ASCC3: variants seen among roughly 807,000 people sequenced by gnomAD.
The protein encoded by ASCC3 is activating signal cointegrator 1 complex subunit 3, also known as ASC-1 complex subunit P200.
In ASCC3, 158 loss-of-function variants were observed where a neutral mutation model predicts 256.3. That is an observed-to-expected ratio of 0.62 (90% CI 0.54 to 0.70). The LOEUF is 0.70. ASCC3 is among the 30% of genes least tolerant of loss of function. The pLI is 0.00. For missense variants in ASCC3, 2,259 were observed against 2,626.0 expected (o/e 0.86, Z 3.05); for synonymous variants, 948 against 883.4 (o/e 1.07, Z -1.30).
chr6:100,739,570 CT>C (rs1562263111), intron 10 of ASCC3, among the ~76,000 whole-genome samples: 1 of 152,068 alleles, frequency 6.6e-6, no homozygotes, highest in Non-Finnish European at 1.5e-5. Flanking sequence ...TGGTCCTGGA[CT>C]TTTTTTGGTT....
At chr6:100,613,710 G>A (rs947904381) in intron 30 of ASCC3, among the ~76,000 whole-genome samples, 1 of 151,974 alleles carries the variant, frequency 6.6e-6, no homozygotes, top group Non-Finnish European at 1.5e-5. Context: ...AAAATTGCTG[G>A]GTGGAACGGT....
At chr6:100,686,489 C>G (rs1777574859) in intron 13 of ASCC3, among the ~76,000 whole-genome samples, 1 of 152,124 alleles carries the variant, frequency 6.6e-6, no homozygotes, top group South Asian at 2.1e-4. Flanking sequence ...ATTATACACA[C>G]TGTTTTTCCT....
At chr6:100,610,579 T>C (rs1296080989) in intron 30 of ASCC3, among the ~76,000 whole-genome samples, 1 of 152,146 alleles carries the variant, frequency 6.6e-6, no homozygotes, top group Non-Finnish European at 1.5e-5. Context: ...GACATACACA[T>C]AAGAAATGTT....
intron 37 of ASCC3, among the ~76,000 whole-genome samples, chr6:100,521,725 GAGTGGGCAAGCCCA>G (rs1247080904): frequency 1.3e-5 from 2 of 152,216 alleles, no homozygotes; most frequent in Non-Finnish European, 2.9e-5. Context: ...TTTTCAGTTT[GAGTGGGCAAGCCCA>G]AGTGACTGTT....
chr6:100,856,855 G>T (rs1772970032), intron 3 of ASCC3: 1 of 152,098 alleles, frequency 6.6e-6, no homozygotes. Context: ...AATGAACTGG[G>T]TTGTTTCTAC....
At chr6:100,685,534 T>G (rs566625237) in intron 13 of ASCC3, among the ~76,000 whole-genome samples, 1 of 152,274 alleles carries the variant, frequency 6.6e-6, no homozygotes, top group African/African-American at 2.4e-5. Context: ...GCCCTCCAGG[T>G]TATTCTGATG....
chr6:100,861,008 G>C (rs1773199041), intron 3 of ASCC3, among the ~76,000 whole-genome samples: 1 of 152,104 alleles, frequency 6.6e-6, no homozygotes, highest in East Asian at 1.9e-4. Flanking sequence ...GAAGGTGGAT[G>C]AGAAAGGAAG....
At chr6:100,527,178 T>C (rs1187498975) in intron 37 of ASCC3, among the ~76,000 whole-genome samples, 1 of 152,194 alleles carries the variant, frequency 6.6e-6, no homozygotes, top group Non-Finnish European at 1.5e-5. Flanking sequence ...CAATGTATGC[T>C]TATAGTATTA....
At chr6:100,510,233 A>G (rs1773696632) in intron 40 of ASCC3, 126 bp from the exon 41 acceptor site, 3 of 1,025,180 alleles carry the variant, frequency 2.9e-6, no homozygotes, top group Admixed American at 4.2e-5. Flanking sequence ...TATCTATCTG[A>G]GATGTTTTAA....
At chr6:100,759,449 C>T (rs757987994) in intron 10 of ASCC3, among the ~76,000 whole-genome samples, 77 of 152,132 alleles carry the variant, frequency 5.1e-4, no homozygotes, top group South Asian at 1.0e-3. Context: ...TTTGAGTTTT[C>T]TGCATATGGC....
At position 100,603,878 on chromosome 6, in the gene ASCC3, C is replaced by T. The variant is rs76533734; in HGVS notation, c.5177+1690G>A. Among the ~76,000 whole-genome samples, 12 of 152,084 alleles carry T rather than the reference C, an allele frequency of 7.9e-5. No individual in the cohort carries two copies. The East Asian group carries it at 2.3e-3, about 29-fold the overall frequency. On this transcript the variant is annotated intron_variant, in intron 33 of 41. Coordinates refer to ENST00000369162, the MANE Select transcript of ASCC3 (RefSeq NM_006828.4). ...TTTCTACATCTATATTAATGAGAGA[C>T]GTTTGTTATATTCCCTTCTCGTAAA... is the stretch of plus-strand genomic sequence containing the variant.
In ASCC3 at chr6:100,638,664, C is replaced by T. The variant is rs1030851660; in HGVS notation, c.4059G>A (p.Ser1353=). 2 of 1,613,830 alleles carry T rather than the reference C, an allele frequency of 1.2e-6. No individual in the cohort carries two copies. Among genetic ancestry groups the T allele is most frequent in the Non-Finnish European group, 1.7e-6 (2 of 1,179,928 alleles). ...CNVLLGAPTG[S]GKTVAAELAI... Reference sequence around the variant, plus strand: ...CTAATTCAGCTGCAACAGTCTTTCCCGATCCAGTAGGTGCTCCAAGTAGGA... The same window carrying T: ...CTAATTCAGCTGCAACAGTCTTTCCTGATCCAGTAGGTGCTCCAAGTAGGA... Residue 1353 remains serine (S), a synonymous_variant, in exon 25 of 42, where the codon TCG becomes TCA. Coordinates refer to ENST00000369162, the MANE Select transcript of ASCC3 (RefSeq NM_006828.4).
At chr6:100,850,568 C>T (rs933763363) in intron 3 of ASCC3, among the ~76,000 whole-genome samples, 9 of 152,194 alleles carry the variant, frequency 5.9e-5, no homozygotes, top group Non-Finnish European at 1.5e-5. Context: ...TATACTACAT[C>T]AAACTGCCTG....
In ASCC3 at chr6:100,509,004, C is replaced by T. The variant is rs1773626883; in HGVS notation, c.*382G>A. On this transcript the variant is annotated 3_prime_UTR_variant, in exon 42 of 42. Transcript: ENST00000369162. The stretch of plus-strand genomic sequence containing the variant: ...TAGAAATCTGTGACAAGTCCTAACA[C>T]TTGTCACATCTCAATGTGGTTTTCC... The T allele has an allele frequency of 1.1e-4, 30 of 275,682 alleles. No individual in the cohort carries two copies. In the South Asian group the frequency reaches 1.2e-3, roughly 11 times the overall value. 17.1% of individuals were successfully genotyped at this position (275,682 alleles called of 1,614,324 possible).
intron 3 of ASCC3, among the ~76,000 whole-genome samples, chr6:100,862,330 G>A (rs750187348): frequency 7.9e-5 from 12 of 152,102 alleles, no homozygotes; most frequent in Non-Finnish European, 1.6e-4. Flanking sequence ...GTACAAACAT[G>A]AGACATTTTA....
At chr6:100,834,055 G>A (rs559662700) in intron 4 of ASCC3, among the ~76,000 whole-genome samples, 1 of 152,160 alleles carries the variant, frequency 6.6e-6, no homozygotes, top group South Asian at 2.1e-4. Context: ...GACAGTGTGA[G>A]TGAGTGTGGT....
chr6:100,854,308 A>G (rs1772833589), intron 3 of ASCC3, among the ~76,000 whole-genome samples: 1 of 152,154 alleles, frequency 6.6e-6, no homozygotes. Flanking sequence ...AAAATTGCCT[A>G]AGTAATGTAA....
In ASCC3 at chr6:100,848,618, C is replaced by G. The variant is rs1233345174; in HGVS notation, c.331G>C (p.Glu111Gln). Residue 111 changes from glutamate to glutamine, a missense_variant, in exon 4 of 42, where the codon GAA becomes CAA. Physicochemically the swap from Glu to Gln is conservative, Grantham distance 29. Transcript: ENST00000369162. ...AACATCTGTTTGATAGCCTTTGTTTCCTTGTGACCAACAGAGTCCTTCAAG... is the reference window on the plus strand; with the variant it reads ...AACATCTGTTTGATAGCCTTTGTTTGCTTGTGACCAACAGAGTCCTTCAAG... ...FHLKDSVGHK[E>Q]TKAIKQMFGP... is the part of the protein sequence containing the mutation. 1 of 1,614,048 alleles carries G rather than the reference C, an allele frequency of 6.2e-7. No individual in the cohort carries two copies. Among genetic ancestry groups the G allele is most frequent in the Admixed American group, 1.7e-5 (1 of 60,012 alleles).
chr6:100,663,125 A>G (rs1776305647), intron 14 of ASCC3, among the ~76,000 whole-genome samples: 1 of 152,032 alleles, frequency 6.6e-6, no homozygotes, highest in Non-Finnish European at 1.5e-5. Flanking sequence ...CGATAAGTCA[A>G]TAAACCCAGC....
Sources: gnomAD v4.1 joint callset for allele counts (sites outside exome capture counted in the v4.1 genomes callset) on GRCh38, gnomAD v4.1.1 for gene constraint, MANE v1.5 for transcripts, NCBI Gene and HGNC (gene_info 2026-07-23, HGNC 2026-07-21) for gene names.